The following GLIS3 variants were observed in gnomAD, a reference collection of about 807,000 sequenced individuals.
GLIS3 encodes the protein zinc finger protein GLIS3.
A neutral mutation model predicts 78.6 loss-of-function variants in GLIS3; 53 were observed. The observed-to-expected ratio is 0.67, with a 90% CI of 0.54 to 0.85. The LOEUF is 0.85. Ranked by LOEUF, GLIS3 falls within the 40% of genes least tolerant of loss-of-function variation. GLIS3 has a pLI of 0.00. For missense variants in GLIS3, 1,703 were observed against 1,231.1 expected, an observed-to-expected ratio of 1.38 and a Z score of -5.74; for synonymous variants, 684 against 509.9, an observed-to-expected ratio of 1.34 and a Z score of -4.60.
the GLIS3 span, among the ~76,000 whole-genome samples, chr9:4,382,636 A>G: frequency 6.6e-6 from 1 of 152,162 alleles, no homozygotes; most frequent in African/African-American, 2.4e-5. Context: ...CCTCAGAAAA[A>G]TATAGATACC....
At chr9:3,981,384 C>T (rs545403081) in intron 4 of GLIS3, among the ~76,000 whole-genome samples, 80 of 152,236 alleles carry the variant, frequency 5.3e-4, no homozygotes, top group Middle Eastern at 6.8e-3. Flanking sequence ...CTCTAGCTTC[C>T]AAGGCTGTAA....
intron 4 of GLIS3, among the ~76,000 whole-genome samples, chr9:4,013,663 G>A (rs1010192848): frequency 1.3e-5 from 2 of 152,170 alleles, no homozygotes; most frequent in African/African-American, 4.8e-5. Flanking sequence ...TATTCTCTGG[G>A]TAGAAAGTAC....
chr9:4,266,371 C>A (rs1826007587), intron 2 of GLIS3, among the ~76,000 whole-genome samples: 1 of 152,106 alleles, frequency 6.6e-6, no homozygotes, highest in Non-Finnish European at 1.5e-5. Context: ...TCTGACATAG[C>A]TCTAAGAAAA....
At chr9:4,262,001 G>C (rs1420082007) in intron 2 of GLIS3, among the ~76,000 whole-genome samples, 3 of 152,204 alleles carry the variant, frequency 2.0e-5, no homozygotes, top group African/African-American at 7.2e-5. Flanking sequence ...TCCTGTGTAA[G>C]GTGGTTGTCT....
At chr9:4,186,839 T>C (rs1198333913) in intron 2 of GLIS3, among the ~76,000 whole-genome samples, 3 of 152,116 alleles carry the variant, frequency 2.0e-5, no homozygotes, top group Non-Finnish European at 4.4e-5. Flanking sequence ...CACTTTTTGA[T>C]GGGGTTGTTT....
chr9:3,868,684 C>A (rs7854944), intron 8 of GLIS3, among the ~76,000 whole-genome samples: 21,448 of 152,106 alleles, frequency 0.14, 1,849 homozygotes, highest in Non-Finnish European at 0.19. Context: ...TCACTACATC[C>A]CCCTTATTGG....
intron 1 of GLIS3, among the ~76,000 whole-genome samples, chr9:4,289,886 G>A (rs1411225141): frequency 6.6e-6 from 1 of 152,064 alleles, no homozygotes; most frequent in Non-Finnish European, 1.5e-5. Flanking sequence ...GGTCAGAGAG[G>A]AAATTACTTA....
Position 4,139,286 on chromosome 9 carries a change from A to C in GLIS3, c.389-13345T>G, listed in dbSNP as rs115849138. On this transcript the variant is annotated intron_variant, in intron 2 of 10. Transcript: ENST00000381971. ...AGACCCCTCACTGTACGGAGCAATG[A>C]CTGGTATCCCCCAGACAGCAAGTGC... 8.3e-3 allele frequency among the ~76,000 whole-genome samples: 1,265 copies of C among 152,328 alleles called. 18 individuals are homozygous for C. The highest frequency in any genetic ancestry group is 0.029 in the African/African-American group (1,209 of 41,572).
the GLIS3 span, among the ~76,000 whole-genome samples, chr9:4,473,466 A>AAAAAAAAAAAAAAAAAAAAAAAAAAG: frequency 7.4e-6 from 1 of 135,412 alleles, no homozygotes. Flanking sequence ...ACAACAAAAA[A>AAAAAAAAAAAAAAAAAAAAAAAAAAG]AAAGGATCAT....
intron 2 of GLIS3, among the ~76,000 whole-genome samples, chr9:4,251,712 C>A (rs1824408684): frequency 6.6e-6 from 1 of 152,150 alleles, no homozygotes; most frequent in African/African-American, 2.4e-5. Context: ...ATGGTCTTTA[C>A]AATTTGGTAT....
chr9:3,899,789 T>G (rs551800017), intron 6 of GLIS3, among the ~76,000 whole-genome samples: 46 of 152,340 alleles, frequency 3.0e-4, no homozygotes, highest in African/African-American at 1.1e-3. Flanking sequence ...CTAGGAATAC[T>G]GACTGCTTTT....
At chr9:4,441,195 T>A in the GLIS3 span, among the ~76,000 whole-genome samples, 1 of 152,218 alleles carries the variant, frequency 6.6e-6, no homozygotes, top group African/African-American at 2.4e-5. Flanking sequence ...TTATGCTGAG[T>A]AAAAGTGGTA....
chr9:3,839,484 A>G (rs939567016), intron 9 of GLIS3, among the ~76,000 whole-genome samples: 2 of 152,090 alleles, frequency 1.3e-5, no homozygotes, highest in African/African-American at 2.4e-5. Flanking sequence ...ACTAATAGTT[A>G]TTTACTCAGA....
chr9:4,470,081 A>C, the GLIS3 span, among the ~76,000 whole-genome samples: 1 of 152,364 alleles, frequency 6.6e-6, no homozygotes, highest in African/African-American at 2.4e-5. Flanking sequence ...GAATAGACCA[A>C]TAACAGGCTC....
At chr9:4,338,766 A>T (rs1457575968) in intron 2 of GLIS3, among the ~76,000 whole-genome samples, 1 of 152,160 alleles carries the variant, frequency 6.6e-6, no homozygotes, top group Non-Finnish European at 1.5e-5. Flanking sequence ...GGAACCAAAA[A>T]TATAGCCTCA....
intron 2 of GLIS3, among the ~76,000 whole-genome samples, chr9:4,252,777 C>T (rs1472539577): frequency 6.6e-6 from 1 of 152,078 alleles, no homozygotes; most frequent in Non-Finnish European, 1.5e-5. Flanking sequence ...ATGTTGGTGA[C>T]CTTTGCGTGG....
intron 1 of GLIS3, among the ~76,000 whole-genome samples, chr9:4,292,562 G>T (rs963149179): frequency 5.9e-5 from 9 of 152,078 alleles, no homozygotes; most frequent in African/African-American, 2.2e-4. Context: ...AGATCTAAGG[G>T]TTTGACATTT....
At chr9:4,120,170 A>C (rs919259521) in intron 3 of GLIS3, among the ~76,000 whole-genome samples, 2 of 152,202 alleles carry the variant, frequency 1.3e-5, no homozygotes, top group African/African-American at 4.8e-5. Flanking sequence ...GAGGTAAAAG[A>C]AGCATTTTCA....
chr9:4,374,052 C>G, the GLIS3 span, among the ~76,000 whole-genome samples: 8 of 152,236 alleles, frequency 5.3e-5, no homozygotes, highest in African/African-American at 1.9e-4. Context: ...CATCTTGCAA[C>G]GAATGGAATA....
Sources: gnomAD v4.1 joint callset for allele counts (sites outside exome capture counted in the v4.1 genomes callset) on GRCh38, gnomAD v4.1.1 for gene constraint, MANE v1.5 for transcripts, NCBI Gene and HGNC (gene_info 2026-07-23, HGNC 2026-07-21) for gene names.